The following OTUD7A variants were observed in gnomAD, a reference collection of about 807,000 sequenced individuals.
OTUD7A encodes the protein OTU domain-containing protein 7A.
A neutral mutation model predicts 65.7 loss-of-function variants in OTUD7A; 12 were observed. That is an observed-to-expected ratio of 0.18 (90% CI 0.12 to 0.30). OTUD7A has a LOEUF of 0.30. Ranked by LOEUF, OTUD7A falls within the 10% of genes least tolerant of loss-of-function variation. OTUD7A has a pLI of 1.00. For synonymous variants in OTUD7A, 641 were observed against 586.3 expected (o/e 1.09, Z -1.35); for missense variants, 1,148 against 1,304.8 (o/e 0.88, Z 1.85).
At chr15:31,839,626 C>T (rs1184452086) in intron 1 of OTUD7A, among the ~76,000 whole-genome samples, 1 of 152,192 alleles carries the variant, frequency 6.6e-6, no homozygotes, top group Non-Finnish European at 1.5e-5. Context: ...CTTCTATAAA[C>T]TTCTATGGCT....
intron 1 of OTUD7A, among the ~76,000 whole-genome samples, chr15:31,852,110 G>A (rs767547497): frequency 1.3e-5 from 2 of 152,182 alleles, no homozygotes; most frequent in African/African-American, 4.8e-5. Context: ...GCCCTCCTTG[G>A]CCTCCCAAAG....
intron 1 of OTUD7A, among the ~76,000 whole-genome samples, chr15:31,725,035 G>A (rs552943038): frequency 2.0e-5 from 3 of 152,294 alleles, no homozygotes; most frequent in East Asian, 1.9e-4. Context: ...CAGAGGGATC[G>A]GGAGCCTCAT....
At chr15:31,492,573 A>G (rs1224419141) in intron 10 of OTUD7A, among the ~76,000 whole-genome samples, 2 of 118,482 alleles carry the variant, frequency 1.7e-5, no homozygotes, top group Non-Finnish European at 3.5e-5. Flanking sequence ...ACAGAGTGAG[A>G]CTCTGTCTCA....
At chr15:31,803,292 A>G (rs959693387) in intron 1 of OTUD7A, among the ~76,000 whole-genome samples, 3 of 152,162 alleles carry the variant, frequency 2.0e-5, no homozygotes, top group Non-Finnish European at 4.4e-5. Flanking sequence ...GTATCAATCT[A>G]TATCACTTCA....
intron 3 of OTUD7A, among the ~76,000 whole-genome samples, chr15:31,608,956 C>T (rs1422295081): frequency 6.6e-6 from 1 of 152,176 alleles, no homozygotes; most frequent in Non-Finnish European, 1.5e-5. Context: ...AAATCCTCTG[C>T]CCCCAAACAC....
chr15:31,729,433 G>A (rs572115766), intron 1 of OTUD7A, among the ~76,000 whole-genome samples: 1 of 152,290 alleles, frequency 6.6e-6, no homozygotes, highest in South Asian at 2.1e-4. Flanking sequence ...CATATGGCAG[G>A]CAATGGGTTA....
chr15:31,490,264 T>TTTTTGA (rs1433493810), intron 10 of OTUD7A, among the ~76,000 whole-genome samples: 1 of 152,232 alleles, frequency 6.6e-6, no homozygotes, highest in Non-Finnish European at 1.5e-5. Flanking sequence ...CTTTTCAAAA[T>TTTTTGA]GAGCCTAAAA....
intron 3 of OTUD7A, among the ~76,000 whole-genome samples, chr15:31,624,010 T>C (rs946864559): frequency 6.6e-6 from 1 of 152,266 alleles, no homozygotes; most frequent in African/African-American, 2.4e-5. Context: ...TATGCAATAC[T>C]TCAATAAGAA....
chr15:31,529,048 GC>G (rs2042052504), intron 6 of OTUD7A, among the ~76,000 whole-genome samples: 1 of 152,204 alleles, frequency 6.6e-6, no homozygotes, highest in Admixed American at 6.5e-5. Flanking sequence ...GGCCTGGGAG[GC>G]CCACTGTGCT....
At chr15:31,789,588 A>G (rs958518070) in intron 1 of OTUD7A, among the ~76,000 whole-genome samples, 2 of 152,082 alleles carry the variant, frequency 1.3e-5, no homozygotes, top group African/African-American at 4.8e-5. Flanking sequence ...ATCTTCACTC[A>G]TGGCTTAATT....
chr15:31,832,117 C>T (rs1896948209), intron 1 of OTUD7A, among the ~76,000 whole-genome samples: 1 of 152,174 alleles, frequency 6.6e-6, no homozygotes, highest in Non-Finnish European at 1.5e-5. Flanking sequence ...AAAAGTTGGG[C>T]TGGTAGGTTG....
At chr15:31,680,980 TAA>T (rs1892700237) in intron 1 of OTUD7A, among the ~76,000 whole-genome samples, 1 of 149,758 alleles carries the variant, frequency 6.7e-6, no homozygotes, top group South Asian at 2.1e-4. Flanking sequence ...AGAAATTTGT[TAA>T]GTTTAAATAA....
intron 1 of OTUD7A, among the ~76,000 whole-genome samples, chr15:31,675,588 C>T (rs1474588282): frequency 2.6e-5 from 4 of 152,054 alleles, no homozygotes; most frequent in Non-Finnish European, 5.9e-5. Context: ...ACTTATCAGA[C>T]CTAATAATGA....
chr15:31,582,955 T>G (rs1424903904), intron 3 of OTUD7A, among the ~76,000 whole-genome samples: 1 of 152,218 alleles, frequency 6.6e-6, no homozygotes, highest in Non-Finnish European at 1.5e-5. Flanking sequence ...TCTGGAGTAT[T>G]AATCAGCATT....
At chr15:31,824,645 A>G (rs1310734929) in intron 1 of OTUD7A, among the ~76,000 whole-genome samples, 1 of 152,256 alleles carries the variant, frequency 6.6e-6, no homozygotes, top group Non-Finnish European at 1.5e-5. Flanking sequence ...AGATGAAGCC[A>G]TTAGATATTC....
At chr15:31,838,495 C>T (rs371104884) in intron 1 of OTUD7A, among the ~76,000 whole-genome samples, 3 of 152,264 alleles carry the variant, frequency 2.0e-5, no homozygotes, top group African/African-American at 7.2e-5. Flanking sequence ...GCCTCTCTTC[C>T]CATCTGCACC....
intron 1 of OTUD7A, among the ~76,000 whole-genome samples, chr15:31,710,777 C>G (rs1174268186): frequency 6.6e-6 from 1 of 152,212 alleles, no homozygotes; most frequent in African/African-American, 2.4e-5. Flanking sequence ...ATTGCTGTTT[C>G]TCCCTTTGCT....
rs1386154779 is a variant in OTUD7A at position 31,510,532 on chromosome 15, C to CAT, written c.894-6716_894-6715dup. Among the ~76,000 whole-genome samples the CAT allele has an allele frequency of 3.0e-3, 401 of 132,712 alleles. 21 individuals are homozygous for CAT. The highest frequency in any genetic ancestry group is 0.012 in the African/African-American group (383 of 31,546). 87.1% of individuals were successfully genotyped at this position (132,712 alleles called of 152,430 possible). ...CATATATATGTATATCTATATGTAACATACATATGTATATCTATATGTAAC... is the reference window on the plus strand; with the variant it reads ...CATATATATGTATATCTATATGTAACATATACATATGTATATCTATATGTAAC... On this transcript the variant is annotated intron_variant, in intron 8 of 12. Coordinates refer to ENST00000307050, the MANE Select transcript of OTUD7A (RefSeq NM_001382637.1).
intron 7 of OTUD7A, 128 bp from the exon 8 acceptor site, chr15:31,526,589 T>C: frequency 1.5e-6 from 1 of 653,646 alleles, no homozygotes; most frequent in Non-Finnish European, 2.5e-6. Context: ...AGCTACCAAC[T>C]ATACCAACTG....
Sources: allele counts gnomAD v4.1 joint callset (sites outside exome capture counted in the v4.1 genomes callset), GRCh38; gene constraint gnomAD v4.1.1; transcripts MANE v1.5; gene names NCBI Gene and HGNC (gene_info 2026-07-23, HGNC 2026-07-21).